The following SLC35F1 variants were observed in gnomAD, a reference collection of about 807,000 sequenced individuals.
The protein encoded by SLC35F1 is solute carrier family 35 member F1.
In SLC35F1, 14 loss-of-function variants were observed where a neutral mutation model predicts 48.7. That is an observed-to-expected ratio of 0.29 (90% CI 0.19 to 0.45). The LOEUF (loss-of-function observed/expected upper bound fraction) is 0.45, where lower values mean the gene tolerates loss of function less well. Ranked by LOEUF, SLC35F1 falls within the 20% of genes least tolerant of loss-of-function variation. The pLI is 1.00. For missense variants in SLC35F1, 404 were observed against 500.0 expected (o/e 0.81, Z 1.83); for synonymous variants, 190 against 202.2 (o/e 0.94, Z 0.51).
chr6:118,275,821 CTTAATG>C (rs774718586), intron 5 of SLC35F1, among the ~76,000 whole-genome samples: 15 of 152,266 alleles, frequency 9.9e-5, no homozygotes, highest in Non-Finnish European at 2.1e-4. Flanking sequence ...TTACAAAACA[CTTAATG>C]TTTATAAAAC....
chr6:117,923,929 T>C (rs1022360923), intron 1 of SLC35F1, among the ~76,000 whole-genome samples: 5 of 149,970 alleles, frequency 3.3e-5, no homozygotes, highest in African/African-American at 9.8e-5. Flanking sequence ...TACATATGTG[T>C]TATGTACTAG....
At chr6:118,176,585 A>G (rs1562315828) in intron 2 of SLC35F1, among the ~76,000 whole-genome samples, 1 of 152,158 alleles carries the variant, frequency 6.6e-6, no homozygotes, top group Non-Finnish European at 1.5e-5. Context: ...ATACAATGAA[A>G]AAAATCATCT....
chr6:117,954,618 A>C (rs746785796), intron 1 of SLC35F1, among the ~76,000 whole-genome samples: 1 of 152,238 alleles, frequency 6.6e-6, no homozygotes. Context: ...CTACAGAATT[A>C]AAATATCATA....
At chr6:118,298,318 A>C (rs1438334492) in intron 7 of SLC35F1, among the ~76,000 whole-genome samples, 1 of 152,138 alleles carries the variant, frequency 6.6e-6, no homozygotes, top group East Asian at 1.9e-4. Context: ...TAGAGCTCAC[A>C]AGTATTATAT....
chr6:118,074,984 G>T (rs1188719608), intron 1 of SLC35F1, among the ~76,000 whole-genome samples: 1 of 152,186 alleles, frequency 6.6e-6, no homozygotes, highest in African/African-American at 2.4e-5. Context: ...GGGGGTCTGT[G>T]TGCTTCAATT....
intron 2 of SLC35F1, among the ~76,000 whole-genome samples, chr6:118,228,811 C>T (rs953392396): frequency 4.6e-5 from 7 of 152,010 alleles, no homozygotes; most frequent in Non-Finnish European, 8.8e-5. Context: ...AGGATCTTGC[C>T]CCCTGTGCAG....
At chr6:118,300,272 G>A (rs1461519513) in intron 7 of SLC35F1, among the ~76,000 whole-genome samples, 3 of 152,034 alleles carry the variant, frequency 2.0e-5, no homozygotes, top group African/African-American at 7.2e-5. Context: ...ATGTAATCTA[G>A]AGCCGATTTA....
chr6:118,040,577 G>A (rs1262082670), intron 1 of SLC35F1, among the ~76,000 whole-genome samples: 2 of 152,060 alleles, frequency 1.3e-5, no homozygotes, highest in Non-Finnish European at 1.5e-5. Context: ...TATCATAGTG[G>A]GAGACAGTGT....
intron 2 of SLC35F1, among the ~76,000 whole-genome samples, chr6:118,234,345 T>A (rs1444264735): frequency 6.6e-6 from 1 of 152,216 alleles, no homozygotes; most frequent in African/African-American, 2.4e-5. Context: ...AAAAACCTTA[T>A]CTTCCATCTT....
intron 1 of SLC35F1, among the ~76,000 whole-genome samples, chr6:117,908,272 C>T (rs1221033844): frequency 1.3e-5 from 2 of 152,186 alleles, no homozygotes; most frequent in Non-Finnish European, 2.9e-5. Context: ...CGCGGGGACC[C>T]GGCCAGGGCT....
chr6:117,907,918 C>A lies in SLC35F1; in HGVS notation c.173+19C>A, dbSNP rs553803625. ...TGAACAGGTGAGCGGCGGCGCCGGG[C>A]GAGGGCGCGGGGGGCGGGGGCTGCG... On this transcript the variant is annotated intron_variant, in intron 1 of 7. Coordinates refer to ENST00000360388, the MANE Select transcript of SLC35F1 (RefSeq NM_001029858.4). The A allele has an allele frequency of 3.2e-5, 42 of 1,309,530 alleles. No homozygotes were observed. Among genetic ancestry groups the A allele is most frequent in the Non-Finnish European group, 3.6e-5 (37 of 1,034,564 alleles). 81.1% of individuals were successfully genotyped at this position (1,309,530 alleles called of 1,614,324 possible). A position where few individuals can be genotyped will look rare whatever the true frequency, so the allele number is the denominator to read the frequency against.
At chr6:118,041,706 C>T (rs1008384733) in intron 1 of SLC35F1, among the ~76,000 whole-genome samples, 2 of 152,066 alleles carry the variant, frequency 1.3e-5, no homozygotes, top group African/African-American at 4.8e-5. Flanking sequence ...CAATAGTAAC[C>T]GCCCTTCAGA....
chr6:118,048,524 A>G (rs1293066881), intron 1 of SLC35F1, among the ~76,000 whole-genome samples: 1 of 152,210 alleles, frequency 6.6e-6, no homozygotes, highest in Non-Finnish European at 1.5e-5. Context: ...GTCGTAGGAT[A>G]CAAAATCAAT....
intron 2 of SLC35F1, among the ~76,000 whole-genome samples, chr6:118,221,156 A>G (rs1215688594): frequency 1.3e-5 from 2 of 152,096 alleles, no homozygotes; most frequent in African/African-American, 4.8e-5. Context: ...CCATGCCTTG[A>G]GAGGGTGACT....
At chr6:118,225,438 A>T (rs1775203083) in intron 2 of SLC35F1, among the ~76,000 whole-genome samples, 1 of 152,212 alleles carries the variant, frequency 6.6e-6, no homozygotes, top group South Asian at 2.1e-4. Context: ...GGTTAACCAT[A>T]TGCAGAAGAG....
intron 7 of SLC35F1, among the ~76,000 whole-genome samples, chr6:118,308,833 C>G (rs1393919853): frequency 6.6e-6 from 1 of 152,132 alleles, no homozygotes; most frequent in Non-Finnish European, 1.5e-5. Flanking sequence ...TCAACTCTTG[C>G]CATTATCATG....
chr6:118,202,511 G>A (rs2883845), intron 2 of SLC35F1, among the ~76,000 whole-genome samples: 4,127 of 152,128 alleles, frequency 0.027, 181 homozygotes, highest in African/African-American at 0.094. Flanking sequence ...TAAAATAAAA[G>A]AAAATGGCTG....
chr6:117,988,844 A>C (rs963558810), intron 1 of SLC35F1, among the ~76,000 whole-genome samples: 2 of 152,220 alleles, frequency 1.3e-5, no homozygotes, highest in Non-Finnish European at 2.9e-5. Context: ...AAAAAGCTCC[A>C]GAGTTGGATG....
chr6:118,010,683 T>C (rs1049650527), intron 1 of SLC35F1, among the ~76,000 whole-genome samples: 1 of 152,158 alleles, frequency 6.6e-6, no homozygotes, highest in East Asian at 1.9e-4. Context: ...TTTATTATTG[T>C]TTTGGGGGTT....
Sources: allele counts gnomAD v4.1 joint callset (sites outside exome capture counted in the v4.1 genomes callset), GRCh38; gene constraint gnomAD v4.1.1; transcripts MANE v1.5; gene names NCBI Gene and HGNC (gene_info 2026-07-23, HGNC 2026-07-21).